The following EIF4G3 variants were observed in gnomAD, a reference collection of about 807,000 sequenced individuals.
The protein encoded by EIF4G3 is eIF-4-gamma 3.
Under a neutral mutation model 186.4 loss-of-function variants are expected in EIF4G3, and 34 were observed. That is an observed-to-expected ratio of 0.18 (90% CI 0.14 to 0.24). The LOEUF (loss-of-function observed/expected upper bound fraction) is 0.24, where lower values mean the gene tolerates loss of function less well. EIF4G3 is among the 10% of genes least tolerant of loss of function. The pLI, the probability that EIF4G3 is intolerant of heterozygous loss-of-function variation, is 1.00. For synonymous variants in EIF4G3, 673 were observed against 679.5 expected (o/e 0.99, Z 0.15); for missense variants, 1,536 against 1,948.5 (o/e 0.79, Z 3.99).
At chr1:20,882,176 T>TACACACACACACACACACACACAC (rs138208807) in intron 19 of EIF4G3, among the ~76,000 whole-genome samples, 6 of 86,956 alleles carry the variant, frequency 6.9e-5, no homozygotes, top group Non-Finnish European at 1.7e-4. Context: ...AAAGAAAAAT[T>TACACACACACACACACACACACAC]ACACACACAC....
chr1:21,094,488 G>A (rs1017590546), intron 2 of EIF4G3, among the ~76,000 whole-genome samples: 1 of 151,656 alleles, frequency 6.6e-6, no homozygotes, highest in Non-Finnish European at 1.5e-5. Context: ...GGATGAAGAC[G>A]GAAACCATCA....
intron 18 of EIF4G3, among the ~76,000 whole-genome samples, chr1:20,887,646 A>T (rs1367446474): frequency 9.4e-6 from 1 of 106,532 alleles, no homozygotes; most frequent in Non-Finnish European, 2.1e-5. Context: ...TTATTTGATA[A>T]ACATTAAAAA....
intron 3 of EIF4G3, among the ~76,000 whole-genome samples, chr1:21,061,742 T>C (rs1334436810): frequency 8.3e-6 from 1 of 120,796 alleles, no homozygotes; most frequent in Non-Finnish European, 1.7e-5. Context: ...TCTCTGCTTG[T>C]TTTTTTTTTT....
At chr1:21,160,616 G>A (rs1435249891) in intron 2 of EIF4G3, among the ~76,000 whole-genome samples, 2 of 152,114 alleles carry the variant, frequency 1.3e-5, no homozygotes, top group East Asian at 1.9e-4. Flanking sequence ...GCAATGAGAA[G>A]GAATGCATAA....
At chr1:21,009,704 G>A (rs965159653) in intron 4 of EIF4G3, among the ~76,000 whole-genome samples, 1 of 151,810 alleles carries the variant, frequency 6.6e-6, no homozygotes, top group Non-Finnish European at 1.5e-5. Context: ...GCCCAGGCTG[G>A]AGTGCAGTGG....
chr1:21,170,047 C>T lies in EIF4G3; in HGVS notation c.-272+6128G>A, dbSNP rs564241819. ...AAAATTAGCCAGGCGTGGTGGTGCA[C>T]GCCTGTAGTCCCAGCTACTCTAGAG... On this transcript the variant is annotated intron_variant, in intron 2 of 36. Transcript: ENST00000602326. Among the ~76,000 whole-genome samples the T allele has an allele frequency of 1.8e-4, 28 of 152,094 alleles. No individual in the cohort carries two copies. In the East Asian group the frequency reaches 4.8e-3, roughly 26 times the overall value.
At chr1:21,166,651 T>C (rs1430837460) in intron 2 of EIF4G3, among the ~76,000 whole-genome samples, 1 of 152,098 alleles carries the variant, frequency 6.6e-6, no homozygotes, top group African/African-American at 2.4e-5. Context: ...TGCTTGAACC[T>C]AGGAGGCAGA....
chr1:20,907,120 T>C (rs1393099940), intron 14 of EIF4G3, among the ~76,000 whole-genome samples: 1 of 152,184 alleles, frequency 6.6e-6, no homozygotes, highest in Non-Finnish European at 1.5e-5. Flanking sequence ...GGCACTCGAA[T>C]TTGTTGACTG....
chr1:20,880,688 T>C (rs1319327881), intron 19 of EIF4G3, among the ~76,000 whole-genome samples: 1 of 152,142 alleles, frequency 6.6e-6, no homozygotes, highest in Admixed American at 6.5e-5. Context: ...GAGGCAGCGG[T>C]TGCAATGAGC....
At chr1:20,849,384 G>A (rs1213865670) in intron 29 of EIF4G3, 31 bp downstream of exon 29, 2 of 1,209,490 alleles carry the variant, frequency 1.7e-6, no homozygotes, top group Middle Eastern at 2.0e-4. Flanking sequence ...AGGACTTACT[G>A]TGTGTGTGTT....
At chr1:21,065,318 C>A (rs1351648010) in intron 3 of EIF4G3, among the ~76,000 whole-genome samples, 2 of 139,334 alleles carry the variant, frequency 1.4e-5, no homozygotes, top group African/African-American at 2.7e-5. Flanking sequence ...AAAGAAGGAA[C>A]ATAAACAGAA....
intron 20 of EIF4G3, among the ~76,000 whole-genome samples, chr1:20,877,644 T>C (rs2081250009): frequency 6.6e-6 from 1 of 152,228 alleles, no homozygotes; most frequent in African/African-American, 2.4e-5. Context: ...TTCAATTTAT[T>C]TAGGGCTTAC....
At chr1:21,170,541 C>A (rs762004842) in intron 2 of EIF4G3, among the ~76,000 whole-genome samples, 1 of 151,702 alleles carries the variant, frequency 6.6e-6, no homozygotes, top group South Asian at 2.1e-4. Flanking sequence ...TGTGATGGCG[C>A]GCACCTGTAA....
At chr1:20,895,537 G>A in intron 16 of EIF4G3, 36 bp from the exon 17 acceptor site, 3 of 1,606,016 alleles carry the variant, frequency 1.9e-6, no homozygotes, top group South Asian at 2.2e-5. Flanking sequence ...CTGTTTGTAG[G>A]GCATTATATA....
intron 4 of EIF4G3, among the ~76,000 whole-genome samples, chr1:21,017,812 T>A (rs1226435734): frequency 6.6e-6 from 1 of 151,834 alleles, no homozygotes; most frequent in African/African-American, 2.4e-5. Flanking sequence ...TTCAGAAAAA[T>A]CTGAAATCCA....
intron 3 of EIF4G3, among the ~76,000 whole-genome samples, chr1:21,069,329 A>G (rs1029355184): frequency 6.6e-6 from 1 of 152,172 alleles, no homozygotes; most frequent in African/African-American, 2.4e-5. Flanking sequence ...AAATGTTACT[A>G]CTTATTTACA....
At chr1:20,846,353 C>T (rs543442790) in intron 29 of EIF4G3, among the ~76,000 whole-genome samples, 10 of 152,248 alleles carry the variant, frequency 6.6e-5, no homozygotes, top group South Asian at 4.1e-4. Context: ...TCTTGTCTTG[C>T]ACTGGTTTTC....
At chr1:21,081,959 T>C (rs1211326901) in intron 3 of EIF4G3, among the ~76,000 whole-genome samples, 1 of 151,654 alleles carries the variant, frequency 6.6e-6, no homozygotes, top group Non-Finnish European at 1.5e-5. Flanking sequence ...TTTTTTTTCT[T>C]AATTTTTTAA....
intron 3 of EIF4G3, among the ~76,000 whole-genome samples, chr1:21,069,437 A>C (rs1193310191): frequency 2.0e-5 from 3 of 152,184 alleles, no homozygotes. Context: ...TAAAATGAGC[A>C]CTCTTAAAGA....
Sources: gnomAD v4.1 joint callset for allele counts (sites outside exome capture counted in the v4.1 genomes callset) on GRCh38, gnomAD v4.1.1 for gene constraint, MANE v1.5 for transcripts, NCBI Gene and HGNC (gene_info 2026-07-23, HGNC 2026-07-21) for gene names.